The following STPG2 variants were observed in gnomAD, a reference collection of about 807,000 sequenced individuals.
STPG2 encodes sperm-tail PG-rich repeat-containing protein 2.
Under a neutral mutation model 54.2 loss-of-function variants are expected in STPG2, and 56 were observed. The observed-to-expected ratio is 1.03, with a 90% CI of 0.83 to 1.29. STPG2 has a LOEUF of 1.29. STPG2 is among the 50% of genes most tolerant of loss of function. The pLI, the probability that STPG2 is intolerant of heterozygous loss-of-function variation, is 0.00. For missense variants in STPG2, 596 were observed against 544.9 expected (o/e 1.09, Z -0.93); for synonymous variants, 200 against 181.8 (o/e 1.10, Z -0.81).
intron 8 of STPG2, chr4:97,917,543 G>A (rs1306488639): frequency 1.3e-5 from 2 of 151,238 alleles, no homozygotes; most frequent in Admixed American, 6.6e-5. Flanking sequence ...ATTTACCCCT[G>A]GCTAAAAAAA....
chr4:97,704,845 C>T (rs1723892105), intron 10 of STPG2, among the ~76,000 whole-genome samples: 1 of 151,940 alleles, frequency 6.6e-6, no homozygotes, highest in Admixed American at 6.6e-5. Flanking sequence ...ATAATATGAA[C>T]ATTAGAAATA....
At chr4:97,563,031 T>A (rs571656454) in intron 10 of STPG2, among the ~76,000 whole-genome samples, 1 of 152,208 alleles carries the variant, frequency 6.6e-6, no homozygotes, top group African/African-American at 2.4e-5. Context: ...CAGTTCCTCC[T>A]TGTACCTCTG....
At chr4:97,521,888 T>A (rs1350921107) in intron 4 of STPG2, among the ~76,000 whole-genome samples, 1 of 151,888 alleles carries the variant, frequency 6.6e-6, no homozygotes, top group Non-Finnish European at 1.5e-5. Context: ...GGCAGGTGAA[T>A]AACCCAGGCC....
intron 9 of STPG2, among the ~76,000 whole-genome samples, chr4:97,794,301 C>T (rs894837659): frequency 6.6e-6 from 1 of 151,990 alleles, no homozygotes; most frequent in Non-Finnish European, 1.5e-5. Flanking sequence ...ATAAACTACC[C>T]ATATAATCTC....
chr4:97,750,813 T>C (rs989967624), intron 9 of STPG2, among the ~76,000 whole-genome samples: 12 of 151,734 alleles, frequency 7.9e-5, no homozygotes, highest in Non-Finnish European at 1.6e-4. Context: ...CAGGCAACAC[T>C]TCATTAATGG....
intron 4 of STPG2, among the ~76,000 whole-genome samples, chr4:97,469,453 T>C (rs905898935): frequency 6.6e-6 from 1 of 151,996 alleles, no homozygotes; most frequent in Non-Finnish European, 1.5e-5. Flanking sequence ...TTATTAATGG[T>C]AGTAATGTAG....
chr4:97,639,361 G>T (rs1228742263), intron 10 of STPG2, among the ~76,000 whole-genome samples: 5 of 151,910 alleles, frequency 3.3e-5, no homozygotes, highest in South Asian at 2.1e-4. Context: ...GGTGGAGGGG[G>T]GAGGGATGGC....
intron 4 of STPG2, among the ~76,000 whole-genome samples, chr4:97,447,583 A>C (rs1729256690): frequency 1.3e-5 from 2 of 152,188 alleles, no homozygotes; most frequent in African/African-American, 4.8e-5. Flanking sequence ...AAAACGGGCA[A>C]GGTATGGTTC....
At chr4:97,908,241 G>A (rs983091019) in intron 8 of STPG2, among the ~76,000 whole-genome samples, 15 of 152,134 alleles carry the variant, frequency 9.9e-5, no homozygotes, top group East Asian at 5.8e-4. Context: ...AGACATTTAT[G>A]CAGCCAAAAA....
At chr4:98,046,053 T>G (rs1017354326) in intron 5 of STPG2, among the ~76,000 whole-genome samples, 1 of 56,554 alleles carries the variant, frequency 1.8e-5, no homozygotes, top group African/African-American at 7.8e-5. Context: ...TTTCATTCTT[T>G]TTTTTTTTTT....
intron 8 of STPG2, among the ~76,000 whole-genome samples, chr4:97,860,380 C>A (rs185092870): frequency 1.8e-4 from 28 of 151,948 alleles, no homozygotes; most frequent in Admixed American, 1.8e-3. Flanking sequence ...GTTTCCTTTT[C>A]TTTGTGTCAT....
At chr4:97,777,988 G>A (rs369538293) in intron 9 of STPG2, among the ~76,000 whole-genome samples, 9 of 152,152 alleles carry the variant, frequency 5.9e-5, no homozygotes, top group African/African-American at 1.9e-4. Context: ...CAGCATGAGC[G>A]ACACAGAAGA....
At chr4:97,489,160 T>C (rs1395494574) in intron 4 of STPG2, among the ~76,000 whole-genome samples, 5 of 151,708 alleles carry the variant, frequency 3.3e-5, no homozygotes, top group Non-Finnish European at 7.4e-5. Flanking sequence ...ATGTAAAACG[T>C]GACTTGAACC....
chr4:97,680,103 A>G lies in STPG2; in HGVS notation c.1320+32596T>C, dbSNP rs923750294. On this transcript the variant is annotated intron_variant, in intron 10 of 10. Transcript: ENST00000295268. ...TCTTTTGGCTTAGGATTGACTTGGC[A>G]ATGCAGGCTCTTTTTTGGTTCCATA... 8.6e-5 allele frequency among the ~76,000 whole-genome samples: 13 copies of G among 151,636 alleles called. No individual in the cohort carries two copies. In the East Asian group the frequency reaches 1.6e-3, roughly 18 times the overall value.
At chr4:97,565,633 G>A (rs879699118) in intron 10 of STPG2, among the ~76,000 whole-genome samples, 2 of 152,144 alleles carry the variant, frequency 1.3e-5, no homozygotes, top group Admixed American at 1.3e-4. Context: ...CTTTCTGTTT[G>A]TTAGTTTTCC....
At chr4:98,009,741 A>G (rs1239536048) in intron 5 of STPG2, among the ~76,000 whole-genome samples, 1 of 152,082 alleles carries the variant, frequency 6.6e-6, no homozygotes, top group African/African-American at 2.4e-5. Flanking sequence ...ATCTGTTAAT[A>G]TCAAATTATG....
chr4:97,572,288 T>C (rs1732620501), intron 10 of STPG2, among the ~76,000 whole-genome samples: 1 of 152,166 alleles, frequency 6.6e-6, no homozygotes, highest in Non-Finnish European at 1.5e-5. Flanking sequence ...TTCAGTTACT[T>C]CAGCAGTTTC....
At chr4:97,938,916 C>A (rs1046546355) in intron 8 of STPG2, among the ~76,000 whole-genome samples, 2 of 151,948 alleles carry the variant, frequency 1.3e-5, no homozygotes, top group African/African-American at 4.8e-5. Flanking sequence ...GGGTCTGCCC[C>A]TCCTTTTCAA....
intron 5 of STPG2, among the ~76,000 whole-genome samples, chr4:98,072,739 C>G (rs186621880): frequency 3.7e-4 from 56 of 152,218 alleles, no homozygotes; most frequent in African/African-American, 1.3e-3. Flanking sequence ...GAAACCAGAG[C>G]CAAGATGTTA....
Sources: gnomAD v4.1 joint callset for allele counts (sites outside exome capture counted in the v4.1 genomes callset) on GRCh38, gnomAD v4.1.1 for gene constraint, MANE v1.5 for transcripts, NCBI Gene and HGNC (gene_info 2026-07-23, HGNC 2026-07-21) for gene names.